P2RY14: variants seen among roughly 807,000 people sequenced by gnomAD.
P2RY14 encodes purinergic receptor P2Y14.
In P2RY14, 2 loss-of-function variants were observed where a neutral mutation model predicts 0.9. That is an observed-to-expected ratio of 2.16 (90% CI 0.88 to 6.79). P2RY14 has a LOEUF of 6.79. P2RY14 is among the 30% of genes most tolerant of loss of function. P2RY14 has a pLI of 0.05. For synonymous variants in P2RY14, 158 were observed against 147.2 expected, an observed-to-expected ratio of 1.07 and a Z score of -0.53; for missense variants, 378 against 400.1, an observed-to-expected ratio of 0.94 and a Z score of 0.47.
chr3:151,246,240 T>C (rs1268926135), intron 1 of P2RY14, among the ~76,000 whole-genome samples: 1 of 152,154 alleles, frequency 6.6e-6, no homozygotes, highest in Admixed American at 6.5e-5. Context: ...AAGCTACCAA[T>C]GCCTTTCTTC....
rs184316554 is a variant in P2RY14 at position 151,257,733 on chromosome 3, G to T, written c.-133+20554C>A. On this transcript the variant is annotated intron_variant, in intron 1 of 2. Coordinates refer to ENST00000309170, the MANE Select transcript of P2RY14 (RefSeq NM_014879.4). The stretch of plus-strand genomic sequence containing the variant: ...AGAAAACATGCTTTTGAAATTCAGT[G>T]TAAACATGGTATTTATGGAGCTATA... 2.0e-3 allele frequency among the ~76,000 whole-genome samples: 306 copies of T among 152,312 alleles called. 4 individuals are homozygous for T. The highest frequency in any genetic ancestry group is 6.6e-3 in the African/African-American group (274 of 41,562).
chr3:151,276,390 A>G (rs1000049511), intron 1 of P2RY14, among the ~76,000 whole-genome samples: 1 of 152,250 alleles, frequency 6.6e-6, no homozygotes, highest in African/African-American at 2.4e-5. Flanking sequence ...AACACTCCTT[A>G]TTGTCCATCA....
intron 1 of P2RY14, among the ~76,000 whole-genome samples, chr3:151,240,992 G>A (rs979274157): frequency 3.9e-5 from 6 of 152,192 alleles, no homozygotes; most frequent in African/African-American, 1.4e-4. Context: ...GCCTTTTCCA[G>A]TGTCTCCTGG....
At chr3:151,233,675 G>T (rs1395328077) in intron 1 of P2RY14, among the ~76,000 whole-genome samples, 1 of 152,240 alleles carries the variant, frequency 6.6e-6, no homozygotes, top group Non-Finnish European at 1.5e-5. Flanking sequence ...GGAGGTTGTG[G>T]TGAGCCGAGA....
chr3:151,218,028 G>A (rs895851598), intron 2 of P2RY14, among the ~76,000 whole-genome samples: 5 of 152,138 alleles, frequency 3.3e-5, no homozygotes, highest in African/African-American at 9.7e-5. Flanking sequence ...TTTGGACCTC[G>A]TGATATCTAC....
At chr3:151,227,418 A>AG (rs140138752) in intron 1 of P2RY14, among the ~76,000 whole-genome samples, 1 of 152,206 alleles carries the variant, frequency 6.6e-6, no homozygotes, top group Non-Finnish European at 1.5e-5. Flanking sequence ...GAGAATGGTA[A>AG]GGGGGGACGG....
chr3:151,223,024 T>C (rs887506353), intron 1 of P2RY14, among the ~76,000 whole-genome samples: 1 of 152,170 alleles, frequency 6.6e-6, no homozygotes, highest in African/African-American at 2.4e-5. Context: ...ACTTAGAATG[T>C]TCCTAAAAAG....
At position 151,247,205 on chromosome 3, in the gene P2RY14, C is replaced by T. The variant is rs554522737; in HGVS notation, c.-132-27563G>A. Among the ~76,000 whole-genome samples, 714 of 152,052 alleles carry T rather than the reference C, an allele frequency of 4.7e-3. 3 individuals are homozygous for T. Among genetic ancestry groups the T allele is most frequent in the Non-Finnish European group, 7.2e-3 (487 of 67,944 alleles). ...TCAACCATTGTGGAAGTCAGTGTGG[C>T]GATTCCTCAGGGATCTAGAACTGGA... On this transcript the variant is annotated intron_variant, in intron 1 of 2. Transcript: ENST00000309170.
At chr3:151,255,291 T>C (rs1737607633) in intron 1 of P2RY14, among the ~76,000 whole-genome samples, 1 of 152,214 alleles carries the variant, frequency 6.6e-6, no homozygotes, top group Non-Finnish European at 1.5e-5. Flanking sequence ...TTTATACTAA[T>C]GGGTACCCTT....
At chr3:151,273,400 G>GT (rs1167031698) in intron 1 of P2RY14, among the ~76,000 whole-genome samples, 242 of 73,100 alleles carry the variant, frequency 3.3e-3, no homozygotes, top group Admixed American at 5.2e-3. Flanking sequence ...GCTAATTTTT[G>GT]TATTTTTTTT....
At chr3:151,260,463 T>C (rs1428370740) in intron 1 of P2RY14, among the ~76,000 whole-genome samples, 1 of 152,048 alleles carries the variant, frequency 6.6e-6, no homozygotes, top group Non-Finnish European at 1.5e-5. Context: ...AGTCCTCCCA[T>C]ATTAGCCTCC....
chr3:151,246,300 C>G (rs998373776), intron 1 of P2RY14, among the ~76,000 whole-genome samples: 1 of 152,064 alleles, frequency 6.6e-6, no homozygotes, highest in Non-Finnish European at 1.5e-5. Flanking sequence ...CAAAAAAGAG[C>G]CCGTATCGCC....
At chr3:151,277,487 T>C (rs1742089702) in intron 1 of P2RY14, among the ~76,000 whole-genome samples, 1 of 152,180 alleles carries the variant, frequency 6.6e-6, no homozygotes, top group African/African-American at 2.4e-5. Context: ...AACTATTTAT[T>C]TTTTTACTAG....
chr3:151,214,507 C>T (rs1370790674), intron 2 of P2RY14, among the ~76,000 whole-genome samples, 167 bp from the exon 3 acceptor site: 1 of 152,086 alleles, frequency 6.6e-6, no homozygotes, highest in East Asian at 1.9e-4. Flanking sequence ...CTCTGTTCTT[C>T]CTTTTCTTTC....
chr3:151,229,844 T>C (rs1731280654), intron 1 of P2RY14, among the ~76,000 whole-genome samples: 2 of 152,222 alleles, frequency 1.3e-5, no homozygotes, highest in Non-Finnish European at 2.9e-5. Flanking sequence ...GTTGCAAACT[T>C]AGTAGGACTT....
chr3:151,225,297 C>T (rs9821749), intron 1 of P2RY14, among the ~76,000 whole-genome samples: 19,062 of 152,166 alleles, frequency 0.13, 1,301 homozygotes, highest in Middle Eastern at 0.17. Flanking sequence ...CTATTGTCTG[C>T]TGCTATAACA....
intron 1 of P2RY14, among the ~76,000 whole-genome samples, chr3:151,246,460 A>G (rs1735502322): frequency 6.6e-6 from 1 of 152,090 alleles, no homozygotes; most frequent in Non-Finnish European, 1.5e-5. Flanking sequence ...CCTCAGAAAT[A>G]ACGCCGCATA....
chr3:151,262,446 G>T (rs138756208), intron 1 of P2RY14, among the ~76,000 whole-genome samples: 1 of 152,290 alleles, frequency 6.6e-6, no homozygotes, highest in Non-Finnish European at 1.5e-5. Context: ...CTATGGGGTG[G>T]CCCTGACACC....
chr3:151,231,062 G>T (rs1577048942), intron 1 of P2RY14, among the ~76,000 whole-genome samples: 1 of 152,194 alleles, frequency 6.6e-6, no homozygotes, highest in Non-Finnish European at 1.5e-5. Flanking sequence ...GACAGTTTGG[G>T]CATTAATGAG....
Sources: allele counts gnomAD v4.1 joint callset (sites outside exome capture counted in the v4.1 genomes callset), GRCh38; gene constraint gnomAD v4.1.1; transcripts MANE v1.5; gene names NCBI Gene and HGNC (gene_info 2026-07-23, HGNC 2026-07-21).